Variants in CDH13 observed in about 807,000 individuals in gnomAD.
CDH13 encodes the protein cadherin-13.
In CDH13, 24 loss-of-function variants were observed where a neutral mutation model predicts 63.8. The ratio of observed to expected loss-of-function variants is 0.38; its 90% CI spans 0.27 to 0.53. CDH13 has a LOEUF of 0.53. CDH13 is among the 20% of genes least tolerant of loss of function. CDH13 has a pLI of 0.85. For synonymous variants in CDH13, 503 were observed against 355.3 expected (o/e 1.42, Z -4.67); for missense variants, 1,049 against 903.1 (o/e 1.16, Z -2.07).
chr16:83,253,561 G>A (rs1452502392), intron 5 of CDH13, among the ~76,000 whole-genome samples: 1 of 152,232 alleles, frequency 6.6e-6, no homozygotes, highest in Non-Finnish European at 1.5e-5. Context: ...GAGTTGATGA[G>A]CTGTCAACCT....
At chr16:83,370,163 G>A (rs145318420) in intron 6 of CDH13, among the ~76,000 whole-genome samples, 6 of 152,232 alleles carry the variant, frequency 3.9e-5, no homozygotes, top group African/African-American at 7.2e-5. Context: ...TGAGGCGGAC[G>A]GATCGTGAAG....
At chr16:82,883,384 C>G (rs1452584902) in intron 2 of CDH13, among the ~76,000 whole-genome samples, 2 of 152,224 alleles carry the variant, frequency 1.3e-5, no homozygotes, top group African/African-American at 4.8e-5. Context: ...ACTTGAGTGT[C>G]TATCAGAGTC....
At chr16:83,059,826 G>A (rs569086386) in intron 3 of CDH13, among the ~76,000 whole-genome samples, 8 of 124,334 alleles carry the variant, frequency 6.4e-5, no homozygotes, top group African/African-American at 1.6e-4. Flanking sequence ...AAGGAGTCTC[G>A]CTCTGTCACC....
At chr16:83,102,716 T>G in intron 3 of CDH13, among the ~76,000 whole-genome samples, 1 of 151,962 alleles carries the variant, frequency 6.6e-6, no homozygotes, top group Admixed American at 6.6e-5. Flanking sequence ...AGGAGGATTG[T>G]GTTTTGATCC....
chr16:83,630,606 A>C (rs1251467413), intron 8 of CDH13, among the ~76,000 whole-genome samples: 1 of 152,158 alleles, frequency 6.6e-6, no homozygotes, highest in Non-Finnish European at 1.5e-5. Context: ...GTGAATCTGC[A>C]TTTTTACGTA....
intron 7 of CDH13, among the ~76,000 whole-genome samples, chr16:83,555,569 G>A (rs2075584581): frequency 6.6e-6 from 1 of 152,220 alleles, no homozygotes; most frequent in African/African-American, 2.4e-5. Context: ...GATTTTAGAA[G>A]AGGGATTTCC....
intron 2 of CDH13, among the ~76,000 whole-genome samples, chr16:82,967,250 C>T (rs1340914220): frequency 6.6e-6 from 1 of 152,012 alleles, no homozygotes; most frequent in African/African-American, 2.4e-5. Context: ...TCCTCACAAA[C>T]TCCCCTCTAC....
At chr16:83,607,341 A>T (rs1908440098) in intron 8 of CDH13, among the ~76,000 whole-genome samples, 1 of 151,880 alleles carries the variant, frequency 6.6e-6, no homozygotes, top group Non-Finnish European at 1.5e-5. Flanking sequence ...AATTGCTTGA[A>T]CCAGGGAGTC....
chr16:83,088,112 G>C (rs1411623659), intron 3 of CDH13, among the ~76,000 whole-genome samples: 1 of 152,194 alleles, frequency 6.6e-6, no homozygotes, highest in African/African-American at 2.4e-5. Flanking sequence ...GAAAGTACCT[G>C]CTGTTCTGAC....
chr16:82,750,747 A>G (rs992428722), intron 1 of CDH13, among the ~76,000 whole-genome samples: 2 of 152,148 alleles, frequency 1.3e-5, no homozygotes, highest in Non-Finnish European at 2.9e-5. Context: ...GGAGCTTATT[A>G]AGATTGAAAA....
At chr16:83,778,753 C>A (rs1027003885) in intron 11 of CDH13, among the ~76,000 whole-genome samples, 1 of 152,148 alleles carries the variant, frequency 6.6e-6, no homozygotes, top group African/African-American at 2.4e-5. Flanking sequence ...CTAAATCTGT[C>A]CTGTCCAGCA....
intron 10 of CDH13, among the ~76,000 whole-genome samples, chr16:83,705,313 T>C (rs1906851090): frequency 6.6e-6 from 1 of 152,112 alleles, no homozygotes; most frequent in African/African-American, 2.4e-5. Flanking sequence ...TTTTGAGAAT[T>C]TTGACTTTTT....
chr16:82,874,486 C>G (rs1405169037), intron 2 of CDH13, among the ~76,000 whole-genome samples: 1 of 151,618 alleles, frequency 6.6e-6, no homozygotes, highest in Non-Finnish European at 1.5e-5. Context: ...CAGCTTTTTT[C>G]TTTTCCATTT....
intron 4 of CDH13, among the ~76,000 whole-genome samples, chr16:83,137,230 C>G (rs1298019527): frequency 1.3e-5 from 2 of 152,174 alleles, no homozygotes; most frequent in African/African-American, 4.8e-5. Flanking sequence ...TGTTAAGTAA[C>G]TTGTCCAACT....
chr16:83,741,416 C>T (rs957736365), intron 10 of CDH13, among the ~76,000 whole-genome samples: 20 of 152,108 alleles, frequency 1.3e-4, no homozygotes, highest in African/African-American at 4.6e-4. Context: ...CCCTGTATCT[C>T]CTCTCCTTTC....
rs776340601 is a variant in CDH13, at chr16:83,678,274, G to T, written c.1351G>T (p.Val451Leu). 1 of 1,613,880 alleles carries T rather than the reference G, an allele frequency of 6.2e-7. No homozygotes were observed. The highest frequency in any genetic ancestry group is 8.5e-7 in the Non-Finnish European group (1 of 1,179,862). The change falls in exon 10 of 14, where the codon GTA becomes TTA. Residue 451 changes from valine (V) to leucine (L), a missense_variant. Transcript: ENST00000567109. Reference protein sequence around the residue: ...LIKVENEDPLVPDVSYGPSST... With the variant: ...LIKVENEDPLLPDVSYGPSST... ...CAAAGTGGAAAATGAAGACCCACTC[G>T]TACCCGACGTCTCCTACGGCCCCAG...
At chr16:83,088,908 T>G (rs1274381204) in intron 3 of CDH13, among the ~76,000 whole-genome samples, 1 of 152,188 alleles carries the variant, frequency 6.6e-6, no homozygotes, top group Non-Finnish European at 1.5e-5. Context: ...TTTTTGTCAA[T>G]AAAGCTTTAA....
intron 1 of CDH13, among the ~76,000 whole-genome samples, chr16:82,718,534 GCA>G (rs2032542630): frequency 6.6e-6 from 1 of 152,170 alleles, no homozygotes; most frequent in Non-Finnish European, 1.5e-5. Flanking sequence ...GGTAGGTGGG[GCA>G]CAGTGTAGTG....
Position 83,615,274 on chromosome 16 carries a change from A to G in CDH13, c.1101+12680A>G, listed in dbSNP as rs778141732. 3.9e-5 allele frequency among the ~76,000 whole-genome samples: 6 copies of G among 152,058 alleles called. 1 individual carries two copies. Among genetic ancestry groups the G allele is most frequent in the Non-Finnish European group, 8.8e-5 (6 of 68,030 alleles). ...CAGATGCACTTGTGTCTAAACCCCGACCACGTAATTACACATTCTGCTTGC... is the reference window on the plus strand; with the variant it reads ...CAGATGCACTTGTGTCTAAACCCCGGCCACGTAATTACACATTCTGCTTGC... On this transcript the variant is annotated intron_variant, in intron 8 of 13. Coordinates refer to ENST00000567109, the MANE Select transcript of CDH13 (RefSeq NM_001257.5).
Sources: gnomAD v4.1 joint callset for allele counts (sites outside exome capture counted in the v4.1 genomes callset) on GRCh38, gnomAD v4.1.1 for gene constraint, MANE v1.5 for transcripts, NCBI Gene and HGNC (gene_info 2026-07-23, HGNC 2026-07-21) for gene names.